Variants in ARSK observed in about 807,000 individuals in gnomAD.
ARSK encodes the protein arylsulfatase family member K, also known as arylsulfatase K.
ARSK carries 37 observed loss-of-function variants against 53.2 expected under a neutral mutation model. The observed-to-expected ratio is 0.70, with a 90% CI of 0.54 to 0.92. The LOEUF is 0.92. Among genes scored for constraint, ARSK ranks in the 40% least tolerant of loss-of-function variants. The pLI, the probability that ARSK is intolerant of heterozygous loss-of-function variation, is 0.00. For synonymous variants in ARSK, 208 were observed against 223.2 expected (o/e 0.93, Z 0.61); for missense variants, 613 against 643.0 (o/e 0.95, Z 0.51).
At chr5:95,560,064 A>G (rs572331530) in intron 1 of ARSK, among the ~76,000 whole-genome samples, 1 of 152,356 alleles carries the variant, frequency 6.6e-6, no homozygotes, top group East Asian at 1.9e-4. Flanking sequence ...TCAAATTAAG[A>G]AAACAGTTCC....
chr5:95,585,307 T>C (rs1166435383), intron 4 of ARSK, among the ~76,000 whole-genome samples: 3 of 152,164 alleles, frequency 2.0e-5, no homozygotes, highest in South Asian at 4.1e-4. Flanking sequence ...GATCCAGCAA[T>C]CCCACTACAT....
chr5:95,591,897 G>A (rs750728768), intron 6 of ARSK, among the ~76,000 whole-genome samples: 10 of 152,098 alleles, frequency 6.6e-5, no homozygotes, highest in Non-Finnish European at 1.2e-4. Context: ...TAAGATATTC[G>A]GGTTCATAAC....
chr5:95,570,153 T>G (rs1199053222), intron 3 of ARSK, among the ~76,000 whole-genome samples: 1 of 152,198 alleles, frequency 6.6e-6, no homozygotes, highest in African/African-American at 2.4e-5. Context: ...GCTTAAAATC[T>G]TTCAATGGTT....
intron 3 of ARSK, among the ~76,000 whole-genome samples, chr5:95,576,562 T>C (rs1303855552): frequency 6.6e-6 from 1 of 152,018 alleles, no homozygotes; most frequent in Non-Finnish European, 1.5e-5. Context: ...CACTTAGTAC[T>C]CTCAATATGG....
In ARSK at chr5:95,593,885, G is replaced by C. The variant is rs34613502; in HGVS notation, c.1096+2260G>C. 1.1e-3 allele frequency among the ~76,000 whole-genome samples: 172 copies of C among 151,900 alleles called. 2 individuals are homozygous for C. The highest frequency in any genetic ancestry group is 1.8e-3 in the Non-Finnish European group (123 of 67,952). On this transcript the variant is annotated intron_variant, in intron 6 of 7. Transcript: ENST00000380009. ...TTATATAGATTTTTATTTTTCATAA[G>C]ATTCTTGGTAATAGACTCCTTCTAA...
intron 5 of ARSK, among the ~76,000 whole-genome samples, chr5:95,587,709 C>A (rs1487123682): frequency 6.6e-6 from 1 of 152,078 alleles, no homozygotes; most frequent in East Asian, 1.9e-4. Context: ...GAGTTCGAGA[C>A]CAGCCTGGCC....
chr5:95,579,900 C>T (rs575646647), intron 3 of ARSK, among the ~76,000 whole-genome samples: 2 of 152,232 alleles, frequency 1.3e-5, no homozygotes, highest in African/African-American at 4.8e-5. Context: ...TGGTGTCTTC[C>T]ACTGCACACT....
chr5:95,577,203 C>T (rs183257929), intron 3 of ARSK, among the ~76,000 whole-genome samples: 1 of 152,304 alleles, frequency 6.6e-6, no homozygotes, highest in East Asian at 1.9e-4. Context: ...GTCTGGGTTA[C>T]ATTTTCTGTA....
At chr5:95,590,217 A>G (rs1749188874) in intron 5 of ARSK, among the ~76,000 whole-genome samples, 1 of 152,184 alleles carries the variant, frequency 6.6e-6, no homozygotes, top group South Asian at 2.1e-4. Flanking sequence ...TTTGTCAAGT[A>G]GACTGTGGGA....
intron 4 of ARSK, among the ~76,000 whole-genome samples, chr5:95,583,981 T>G (rs894967721): frequency 1.3e-5 from 2 of 152,246 alleles, no homozygotes; most frequent in Admixed American, 1.3e-4. Flanking sequence ...TAAATGTGCC[T>G]TCACTAAGTT....
chr5:95,577,592 A>G (rs1021685569), intron 3 of ARSK, among the ~76,000 whole-genome samples: 1 of 152,028 alleles, frequency 6.6e-6, no homozygotes, highest in South Asian at 2.1e-4. Context: ...TACATTAAAC[A>G]TGTATACTCT....
At chr5:95,569,076 G>T (rs1208029039) in intron 3 of ARSK, among the ~76,000 whole-genome samples, 1 of 152,090 alleles carries the variant, frequency 6.6e-6, no homozygotes, top group African/African-American at 2.4e-5. Flanking sequence ...ATCCTTTTAT[G>T]TAATAAATTA....
rs769225750 is a variant in ARSK, at chr5:95,555,252, G to A, written c.-27G>A. 2 of 1,573,350 alleles carry A rather than the reference G, an allele frequency of 1.3e-6. No homozygotes were observed. The highest frequency in any genetic ancestry group is 1.1e-5 in the South Asian group (1 of 90,406). On this transcript the variant is annotated 5_prime_UTR_variant, in exon 1 of 8. Transcript: ENST00000380009. This position sits in a 1 kb window ranked among gnomAD's most constrained non-coding sequence, Gnocchi z 4.0. ...GCCAGAGGGAGGCGGCTGGCCCGGCGGCAGGCTCTCAGAACCGCTACCGGC... is the reference window on the plus strand; with the variant it reads ...GCCAGAGGGAGGCGGCTGGCCCGGCAGCAGGCTCTCAGAACCGCTACCGGC...
At chr5:95,579,046 T>C (rs2112429196) in intron 3 of ARSK, among the ~76,000 whole-genome samples, 1 of 152,340 alleles carries the variant, frequency 6.6e-6, no homozygotes, top group South Asian at 2.1e-4. Flanking sequence ...TTTTCTGGAA[T>C]TGAACCAAGA....
intron 3 of ARSK, among the ~76,000 whole-genome samples, chr5:95,579,874 T>G (rs996641134): frequency 3.3e-5 from 5 of 152,230 alleles, no homozygotes; most frequent in Non-Finnish European, 5.9e-5. Context: ...AGCTCCTACC[T>G]GAGGATAGAT....
chr5:95,603,176 C>G (rs1749433168), intron 7 of ARSK, 61 bp from the exon 8 acceptor site: 2 of 1,338,138 alleles, frequency 1.5e-6, no homozygotes, highest in African/African-American at 1.5e-5. Context: ...GTCATAATGA[C>G]ATTCTAAAAA....
At chr5:95,587,728 G>A (rs900588962) in intron 5 of ARSK, among the ~76,000 whole-genome samples, 9 of 152,042 alleles carry the variant, frequency 5.9e-5, no homozygotes, top group East Asian at 1.9e-4. Context: ...CCAACATGGC[G>A]AAACCCTGTC....
intron 1 of ARSK, among the ~76,000 whole-genome samples, chr5:95,560,328 G>GA (rs1485197363): frequency 6.6e-6 from 1 of 150,756 alleles, no homozygotes; most frequent in South Asian, 2.1e-4. Context: ...TGCAGAGATG[G>GA]AAAAACCCAT....
chr5:95,555,336 G>A lies in ARSK; in HGVS notation c.58G>A (p.Gly20Arg). ...AALALAVLAP[G>R]AGEQRRRAAK... Reference sequence around the variant, plus strand: ...CTTGGCGCTGGCGGTACTGGCCCCCGGAGCAGGGGAGCAGAGGCGGAGAGC... The same window carrying A: ...CTTGGCGCTGGCGGTACTGGCCCCCAGAGCAGGGGAGCAGAGGCGGAGAGC... The change falls in exon 1 of 8, where the codon GGA (glycine) becomes AGA (arginine). Residue 20 changes from glycine (G) to arginine (R), a missense_variant. Gly to Arg is a moderately radical substitution (Grantham distance 125). Transcript: ENST00000380009. This position sits in a 1 kb window ranked among gnomAD's most constrained non-coding sequence, Gnocchi z 4.0. 1 of 1,609,258 alleles carries A rather than the reference G, an allele frequency of 6.2e-7. No individual in the cohort carries two copies. The highest frequency in any genetic ancestry group is 2.2e-5 in the East Asian group (1 of 44,802).
Sources: allele counts gnomAD v4.1 joint callset (sites outside exome capture counted in the v4.1 genomes callset), GRCh38; gene constraint gnomAD v4.1.1; non-coding constraint Gnocchi (gnomAD v3.1); transcripts MANE v1.5; gene names NCBI Gene and HGNC (gene_info 2026-07-23, HGNC 2026-07-21).